KCNH1: variants seen among roughly 807,000 people sequenced by gnomAD.
KCNH1 encodes voltage-gated delayed rectifier potassium channel KCNH1.
KCNH1 carries 27 observed loss-of-function variants against 69.2 expected under a neutral mutation model. The ratio of observed to expected loss-of-function variants is 0.39; its 90% confidence interval spans 0.29 to 0.54. KCNH1 has a LOEUF of 0.54. Among genes scored for constraint, KCNH1 ranks in the 20% least tolerant of loss-of-function variants. The pLI, the probability that KCNH1 is intolerant of heterozygous loss-of-function variation, is 0.68. For missense variants in KCNH1, 798 were observed against 1,261.6 expected, an observed-to-expected ratio of 0.63 and a Z score of 5.57; for synonymous variants, 456 against 487.7, an observed-to-expected ratio of 0.93 and a Z score of 0.86.
At chr1:211,115,550 C>G (rs1439281552) in intron 1 of KCNH1, among the ~76,000 whole-genome samples, 1 of 151,780 alleles carries the variant, frequency 6.6e-6, no homozygotes, top group East Asian at 1.9e-4. Flanking sequence ...CAGACTACAT[C>G]TTTCTCCTGT....
chr1:210,782,054 C>T (rs2102380350), intron 9 of KCNH1, among the ~76,000 whole-genome samples: 1 of 152,282 alleles, frequency 6.6e-6, no homozygotes, highest in South Asian at 2.1e-4. Context: ...TCAAAATATG[C>T]CCAAACCTCC....
intron 7 of KCNH1, among the ~76,000 whole-genome samples, chr1:210,837,148 G>C (rs1455531444): frequency 1.3e-5 from 2 of 152,158 alleles, no homozygotes; most frequent in East Asian, 3.8e-4. Context: ...CTTTGCACAA[G>C]GTGTTTCTTC....
chr1:211,025,340 A>T (rs1005455281), intron 5 of KCNH1, among the ~76,000 whole-genome samples: 1 of 152,174 alleles, frequency 6.6e-6, no homozygotes, highest in African/African-American at 2.4e-5. Flanking sequence ...AAGGGGGCAA[A>T]GGAAAGCTAG....
intron 6 of KCNH1, among the ~76,000 whole-genome samples, chr1:210,960,001 G>A (rs934579462): frequency 6.6e-6 from 1 of 152,188 alleles, no homozygotes; most frequent in Admixed American, 6.5e-5. Context: ...ATCATGCTGG[G>A]AACTGCAGAC....
At chr1:210,952,247 A>G (rs1688078575) in intron 6 of KCNH1, among the ~76,000 whole-genome samples, 1 of 152,166 alleles carries the variant, frequency 6.6e-6, no homozygotes, top group Non-Finnish European at 1.5e-5. Flanking sequence ...CCTTCCCTCC[A>G]GCTCATTCAC....
intron 6 of KCNH1, among the ~76,000 whole-genome samples, chr1:210,968,788 G>T (rs1011296691): frequency 1.3e-5 from 2 of 151,846 alleles, no homozygotes; most frequent in Admixed American, 6.6e-5. Flanking sequence ...AGACGAGTAG[G>T]TTGCAAAAAT....
At chr1:210,877,507 C>A (rs1686403287) in intron 7 of KCNH1, among the ~76,000 whole-genome samples, 1 of 152,144 alleles carries the variant, frequency 6.6e-6, no homozygotes, top group Non-Finnish European at 1.5e-5. Flanking sequence ...GCATCAGGAC[C>A]CATCTGCTTC....
intron 6 of KCNH1, among the ~76,000 whole-genome samples, chr1:211,005,973 C>T (rs371482882): frequency 2.0e-5 from 3 of 152,114 alleles, no homozygotes; most frequent in African/African-American, 7.2e-5. Context: ...ATGCTCACTC[C>T]CAGCAAAAAT....
chr1:211,044,123 T>A (rs1690050331), intron 5 of KCNH1, among the ~76,000 whole-genome samples: 1 of 152,160 alleles, frequency 6.6e-6, no homozygotes, highest in African/African-American at 2.4e-5. Context: ...ACAAAGGGCA[T>A]CCAAATTGGT....
chr1:210,953,738 CT>C (rs1231749836), intron 6 of KCNH1, among the ~76,000 whole-genome samples: 1 of 152,128 alleles, frequency 6.6e-6, no homozygotes, highest in Non-Finnish European at 1.5e-5. Context: ...TTCACACCCC[CT>C]GGGATGGCAT....
At chr1:210,879,252 C>T (rs1031843224) in intron 7 of KCNH1, among the ~76,000 whole-genome samples, 10 of 151,930 alleles carry the variant, frequency 6.6e-5, no homozygotes, top group African/African-American at 2.2e-4. Context: ...AGAATACTTC[C>T]TAACTCATTC....
intron 6 of KCNH1, among the ~76,000 whole-genome samples, chr1:210,954,825 C>A (rs1188950553): frequency 6.6e-6 from 1 of 152,094 alleles, no homozygotes; most frequent in Non-Finnish European, 1.5e-5. Context: ...GAGTAGATTG[C>A]AAAAATTTTC....
intron 1 of KCNH1, among the ~76,000 whole-genome samples, chr1:211,113,406 A>C (rs1350606935): frequency 2.0e-5 from 3 of 152,176 alleles, no homozygotes; most frequent in African/African-American, 7.2e-5. Flanking sequence ...TTTTGATGTG[A>C]GTAGAAGTCA....
At chr1:210,852,601 T>C (rs979317821) in intron 7 of KCNH1, among the ~76,000 whole-genome samples, 2 of 152,262 alleles carry the variant, frequency 1.3e-5, no homozygotes, top group Admixed American at 6.5e-5. Flanking sequence ...AAAACGCCTG[T>C]GGAATGAGAA....
At chr1:211,047,569 A>T (rs1365266351) in intron 5 of KCNH1, among the ~76,000 whole-genome samples, 2 of 152,212 alleles carry the variant, frequency 1.3e-5, no homozygotes, top group African/African-American at 4.8e-5. Flanking sequence ...AACCTTGAGC[A>T]AGTCAAGATC....
chr1:210,927,407 T>C (rs1366289829), intron 6 of KCNH1, among the ~76,000 whole-genome samples: 1 of 152,212 alleles, frequency 6.6e-6, no homozygotes, highest in African/African-American at 2.4e-5. Flanking sequence ...GTCCTATTTT[T>C]AGCCTCCTTA....
At chr1:211,028,235 G>A (rs1460234682) in intron 5 of KCNH1, among the ~76,000 whole-genome samples, 1 of 151,624 alleles carries the variant, frequency 6.6e-6, no homozygotes, top group Non-Finnish European at 1.5e-5. Context: ...ATAATCCATG[G>A]GCCAAAGATA....
chr1:210,754,208 C>T (rs1211663234), intron 10 of KCNH1, among the ~76,000 whole-genome samples: 4 of 152,230 alleles, frequency 2.6e-5, no homozygotes, highest in East Asian at 1.9e-4. Flanking sequence ...CATGAGCCAC[C>T]GCATCCGGCC....
At chr1:210,833,071 T>A (rs2102442044) in intron 7 of KCNH1, among the ~76,000 whole-genome samples, 1 of 152,022 alleles carries the variant, frequency 6.6e-6, no homozygotes, top group South Asian at 2.1e-4. Flanking sequence ...CTGTAAACAG[T>A]CCCTGGGAAG....
Sources: allele counts gnomAD v4.1 joint callset (sites outside exome capture counted in the v4.1 genomes callset), GRCh38; gene constraint gnomAD v4.1.1; transcripts MANE v1.5; gene names NCBI Gene and HGNC (gene_info 2026-07-23, HGNC 2026-07-21).